Variants in ING5 observed in about 807,000 individuals in gnomAD.
ING5 encodes inhibitor of growth family member 5.
ING5 carries 17 observed loss-of-function variants against 37.4 expected under a neutral mutation model. The ratio of observed to expected loss-of-function variants is 0.45; its 90% CI spans 0.31 to 0.68. The LOEUF (loss-of-function observed/expected upper bound fraction) is 0.68, where lower values mean the gene tolerates loss of function less well. Among genes scored for constraint, ING5 ranks in the 30% least tolerant of loss-of-function variants. The pLI, the probability that ING5 is intolerant of heterozygous loss-of-function variation, is 0.05. For synonymous variants in ING5, 123 were observed against 116.6 expected (o/e 1.06, Z -0.36); for missense variants, 233 against 311.9 (o/e 0.75, Z 1.91).
rs2070040347 is a variant in ING5, at chr2:241,709,557, T to TTG, written c.276+176_276+177insGT. Among the ~76,000 whole-genome samples, 6 of 147,872 alleles carry TTG rather than the reference T, an allele frequency of 4.1e-5. No homozygotes were observed. In the Admixed American group the frequency reaches 4.1e-4, roughly 10 times the overall value. ...ACACTTCATGTAGGACCATCCCTGTTTTTTTTTTTTTTTTTTCTGGGCCCT... is the reference window on the plus strand; with the variant it reads ...ACACTTCATGTAGGACCATCCCTGTTTGTTTTTTTTTTTTTTTTCTGGGCCCT... On this transcript the variant is annotated intron_variant, in intron 3 of 7. Coordinates refer to ENST00000313552, the MANE Select transcript of ING5 (RefSeq NM_032329.6).
rs188094767 is a variant in ING5, at chr2:241,722,347, C to T, written c.483-592C>T. The T allele has an allele frequency of 2.1e-4, 208 of 985,352 alleles. 1 individual carries two copies. In the African/African-American group the frequency reaches 3.4e-3, roughly 16 times the overall value. The allele number at this position is 985,352 out of a possible 1,614,324, so 61.0% of individuals were successfully genotyped here. ...CCAGAGGTCCCCGGGGGAGTCCTGT[C>T]TGGGAGGAGGGACCGAGATGAGAGT... On this transcript the variant is annotated intron_variant, in intron 5 of 7. Transcript: ENST00000313552.
chr2:241,689,758 T>G (rs975949698), intron 1 of ING5: 1 of 152,232 alleles, frequency 6.6e-6, no homozygotes, highest in African/African-American at 2.4e-5. Flanking sequence ...TACTATTCCC[T>G]TACATAGATA....
chr2:241,714,094 A>G (rs924005698), intron 5 of ING5, among the ~76,000 whole-genome samples: 1 of 152,112 alleles, frequency 6.6e-6, no homozygotes, highest in African/African-American at 2.4e-5. Context: ...TAAAGTGAAG[A>G]TCTTTGTAAG....
intron 2 of ING5, among the ~76,000 whole-genome samples, 153 bp downstream of exon 2, chr2:241,704,877 G>C (rs1418148572): frequency 6.6e-6 from 1 of 152,188 alleles, no homozygotes; most frequent in African/African-American, 2.4e-5. Flanking sequence ...GTGTCTTGCA[G>C]TAGGTGTTGA....
intron 5 of ING5, among the ~76,000 whole-genome samples, chr2:241,713,624 G>A (rs1006346326): frequency 6.6e-6 from 1 of 151,228 alleles, no homozygotes; most frequent in African/African-American, 2.4e-5. Flanking sequence ...ACCTGCCTTG[G>A]CCTCCCAAAG....
chr2:241,698,012 G>A (rs1043763094), upstream of ING5, among the ~76,000 whole-genome samples: 2 of 151,266 alleles, frequency 1.3e-5, no homozygotes, highest in African/African-American at 2.4e-5. Flanking sequence ...GAACCCAGAA[G>A]GCGGAGGTTG....
At chr2:241,701,541 G>A (rs2069725659), upstream of ING5, among the ~76,000 whole-genome samples, 1 of 151,824 alleles carries the variant, frequency 6.6e-6, no homozygotes, top group Non-Finnish European at 1.5e-5. Flanking sequence ...CCGGCCCTCG[G>A]CTCAGGCCGG....
chr2:241,719,486 C>A, intron 5 of ING5: 1 of 1,405,456 alleles, frequency 7.1e-7, no homozygotes, highest in Non-Finnish European at 9.7e-7. Context: ...AACTCAGTGG[C>A]AACAGCGTTC....
At chr2:241,692,694 T>C (rs1210794468) in intron 2 of ING5, among the ~76,000 whole-genome samples, 2 of 152,070 alleles carry the variant, frequency 1.3e-5, no homozygotes, top group East Asian at 3.9e-4. Context: ...GGAATGCAGT[T>C]TCCACATTCT....
upstream of ING5, among the ~76,000 whole-genome samples, chr2:241,697,706 A>G (rs530492351): frequency 5.9e-5 from 9 of 152,262 alleles, no homozygotes; most frequent in East Asian, 1.4e-3. Context: ...CGGGAAGCGC[A>G]GGGGATTTTT....
At chr2:241,724,523 C>T (rs1234120038) in intron 7 of ING5, 1 of 176,008 alleles carries the variant, frequency 5.7e-6, no homozygotes, top group Admixed American at 5.7e-5. Flanking sequence ...CTTGTGCGTG[C>T]AGCTCCAGAA....
chr2:241,693,652 CTTTTTT>C (rs1185556171), intron 2 of ING5, among the ~76,000 whole-genome samples: 5 of 78,566 alleles, frequency 6.4e-5, no homozygotes, highest in South Asian at 1.1e-3. Context: ...AAATACAACT[CTTTTTT>C]TTTTTTTTTT....
chr2:241,714,318 A>G (rs2070201921), intron 5 of ING5, among the ~76,000 whole-genome samples: 1 of 152,196 alleles, frequency 6.6e-6, no homozygotes, highest in Non-Finnish European at 1.5e-5. Context: ...TTATTAAGGA[A>G]TAATTTACAT....
intron 2 of ING5, chr2:241,694,187 T>C (rs2069598729): frequency 6.6e-6 from 1 of 151,210 alleles, no homozygotes; most frequent in Admixed American, 6.6e-5. Flanking sequence ...CTCACGCCTG[T>C]AATCCCAGCA....
chr2:241,693,905 C>T (rs146152372), intron 2 of ING5, among the ~76,000 whole-genome samples: 32,410 of 150,458 alleles, frequency 0.22, 4,035 homozygotes, highest in East Asian at 0.35. Flanking sequence ...GTGATCCACC[C>T]GCCTTGGCCT....
intron 3 of ING5, among the ~76,000 whole-genome samples, chr2:241,710,116 T>TAG (rs1559305242): frequency 1.3e-5 from 2 of 150,426 alleles, no homozygotes; most frequent in Non-Finnish European, 3.0e-5. Context: ...ATTATTATTA[T>TAG]TATTTTTGAG....
At chr2:241,692,423 C>G (rs2069569642) in intron 2 of ING5, among the ~76,000 whole-genome samples, 1 of 151,862 alleles carries the variant, frequency 6.6e-6, no homozygotes. Context: ...ATCCTCCTGC[C>G]TCAGCATCTG....
At chr2:241,716,829 G>A (rs1265284182) in intron 5 of ING5, among the ~76,000 whole-genome samples, 1 of 152,200 alleles carries the variant, frequency 6.6e-6, no homozygotes, top group Non-Finnish European at 1.5e-5. Context: ...TATGTGGAAT[G>A]TAAAGATGTT....
intron 2 of ING5, among the ~76,000 whole-genome samples, chr2:241,695,083 A>G (rs538803938): frequency 2.7e-5 from 4 of 150,436 alleles, no homozygotes; most frequent in Non-Finnish European, 4.4e-5. Flanking sequence ...AGTTGTGGGT[A>G]TAATGTTTCT....
Sources: allele counts gnomAD v4.1 joint callset (sites outside exome capture counted in the v4.1 genomes callset), GRCh38; gene constraint gnomAD v4.1.1; transcripts MANE v1.5; gene names NCBI Gene and HGNC (gene_info 2026-07-23, HGNC 2026-07-21).